Variants in RIMBP2 observed in about 807,000 individuals in gnomAD.
RIMBP2 encodes the protein RIMS binding protein 2.
A neutral mutation model predicts 118.6 loss-of-function variants in RIMBP2; 48 were observed. The ratio of observed to expected loss-of-function variants is 0.40; its 90% CI spans 0.32 to 0.51. The LOEUF (loss-of-function observed/expected upper bound fraction) is 0.51, where lower values mean the gene tolerates loss of function less well. Ranked by LOEUF, RIMBP2 falls within the 20% of genes least tolerant of loss-of-function variation. The pLI is 0.41. For missense variants in RIMBP2, 1,551 were observed against 1,768.3 expected, an observed-to-expected ratio of 0.88 and a Z score of 2.20; for synonymous variants, 762 against 742.9, an observed-to-expected ratio of 1.03 and a Z score of -0.42.
chr12:130,704,724 G>A (rs377171094), intron 1 of RIMBP2, among the ~76,000 whole-genome samples: 3 of 152,152 alleles, frequency 2.0e-5, no homozygotes, highest in Middle Eastern at 3.4e-3. Context: ...TGCCACCACC[G>A]CCTCCACAGG....
At chr12:130,466,578 A>T (rs2080497593) in intron 6 of RIMBP2, among the ~76,000 whole-genome samples, 1 of 152,214 alleles carries the variant, frequency 6.6e-6, no homozygotes, top group Non-Finnish European at 1.5e-5. Flanking sequence ...AAAGGGAAGC[A>T]TGAAGCTGGG....
intron 6 of RIMBP2, among the ~76,000 whole-genome samples, chr12:130,461,052 C>T (rs1376352883): frequency 1.3e-5 from 2 of 152,188 alleles, no homozygotes; most frequent in East Asian, 3.9e-4. Context: ...TCGCCATCCA[C>T]AAGGGACCCA....
chr12:130,569,346 A>G (rs563384194), intron 2 of RIMBP2, among the ~76,000 whole-genome samples: 2 of 152,340 alleles, frequency 1.3e-5, no homozygotes, highest in Admixed American at 6.5e-5. Context: ...CCCTCCAGCC[A>G]TCTCACTAAC....
intron 1 of RIMBP2, among the ~76,000 whole-genome samples, chr12:130,678,475 A>C (rs1258655239): frequency 1.3e-5 from 2 of 152,122 alleles, no homozygotes; most frequent in Non-Finnish European, 2.9e-5. Context: ...CACGACACCC[A>C]GTCAAAGGAG....
intron 1 of RIMBP2, among the ~76,000 whole-genome samples, chr12:130,632,626 G>A (rs2062071289): frequency 6.6e-6 from 1 of 152,128 alleles, no homozygotes; most frequent in Non-Finnish European, 1.5e-5. Context: ...AAGAGGCTAA[G>A]GGGCTTTAAT....
At position 130,620,788 on chromosome 12, in the gene RIMBP2, C is replaced by T. The variant is rs2061259717; in HGVS notation, c.-217+7534G>A. Among the ~76,000 whole-genome samples the T allele has an allele frequency of 6.6e-6, 1 of 152,180 alleles. No homozygotes were observed. Among genetic ancestry groups the T allele is most frequent in the Admixed American group, 6.5e-5 (1 of 15,286 alleles). On this transcript the variant is annotated intron_variant, in intron 2 of 22. Coordinates refer to ENST00000690449, the MANE Select transcript of RIMBP2 (RefSeq NM_001393629.1). This position sits in a 1 kb window ranked among gnomAD's most constrained non-coding sequence, Gnocchi z 5.3. Reference sequence around the variant, plus strand: ...TTAAGTTGGTCACCTCTATAAAGACCTCGTCTCCAAGTAAGATCACATTTT... The same window carrying T: ...TTAAGTTGGTCACCTCTATAAAGACTTCGTCTCCAAGTAAGATCACATTTT...
In RIMBP2 at chr12:130,478,992, G is replaced by T. The variant is rs770519788; in HGVS notation, c.22C>A (p.Arg8=). 6.2e-7 allele frequency: 1 copy of T among 1,613,716 alleles called. No homozygotes were observed. The highest frequency in any genetic ancestry group is 8.5e-7 in the Non-Finnish European group (1 of 1,179,850). The change falls in exon 5 of 23, where the codon CGG becomes AGG. Residue 8 remains arginine (R), a synonymous_variant. Coordinates refer to ENST00000690449, the MANE Select transcript of RIMBP2 (RefSeq NM_001393629.1). ...TCATGCTCCAACTGCAGCTGCTGCC[G>T]CCGTTCAGCCGCCTCTCGCATATGC... MREAAER[R]QQLQLEHDQA...
chr12:130,677,668 G>A (rs1362003141), intron 1 of RIMBP2, among the ~76,000 whole-genome samples: 1 of 152,126 alleles, frequency 6.6e-6, no homozygotes, highest in Non-Finnish European at 1.5e-5. Context: ...TAGCACAGGT[G>A]TTAACTACGT....
chr12:130,552,754 A>G (rs140755263), intron 2 of RIMBP2, among the ~76,000 whole-genome samples: 2,399 of 152,298 alleles, frequency 0.016, 27 homozygotes, highest in Non-Finnish European at 0.022. Context: ...TAGAAAAGTG[A>G]GATTGTGTAC....
intron 3 of RIMBP2, among the ~76,000 whole-genome samples, chr12:130,507,832 A>G (rs1255050839): frequency 6.6e-6 from 1 of 152,198 alleles, no homozygotes; most frequent in Admixed American, 6.5e-5. Flanking sequence ...GACTAACATA[A>G]TGTCACGCTT....
intron 20 of RIMBP2, among the ~76,000 whole-genome samples, chr12:130,406,951 T>C (rs2136369778): frequency 6.6e-6 from 1 of 152,334 alleles, no homozygotes; most frequent in South Asian, 2.1e-4. Context: ...TAAACATCTC[T>C]TTATTCAGTG....
At chr12:130,553,735 C>T (rs1237956775) in intron 2 of RIMBP2, among the ~76,000 whole-genome samples, 2 of 152,162 alleles carry the variant, frequency 1.3e-5, no homozygotes, top group Admixed American at 6.5e-5. Context: ...CTGAGGGAAA[C>T]CTTGTCTTGA....
At chr12:130,635,677 G>A (rs748650436) in intron 1 of RIMBP2, among the ~76,000 whole-genome samples, 4 of 152,268 alleles carry the variant, frequency 2.6e-5, no homozygotes, top group East Asian at 1.9e-4. Flanking sequence ...ACACCAATTC[G>A]TGACTCACAA....
intron 2 of RIMBP2, among the ~76,000 whole-genome samples, chr12:130,619,485 G>A (rs1000637039): frequency 3.3e-5 from 5 of 152,206 alleles, no homozygotes; most frequent in African/African-American, 1.2e-4. Context: ...CCAGTGTACA[G>A]AGTGGAGATG....
chr12:130,413,699 G>A (rs900977509), intron 18 of RIMBP2, among the ~76,000 whole-genome samples: 9 of 150,212 alleles, frequency 6.0e-5, no homozygotes, highest in African/African-American at 2.2e-4. Context: ...TCCATCAGGT[G>A]TATTAAAGAA....
chr12:130,437,524 A>C (rs2077623164), intron 12 of RIMBP2, among the ~76,000 whole-genome samples: 2 of 152,178 alleles, frequency 1.3e-5, no homozygotes, highest in Non-Finnish European at 1.5e-5. Context: ...GGGTTCCGTC[A>C]GGCCAGTGAC....
chr12:130,407,589 G>C (rs529416240), intron 20 of RIMBP2, 137 bp downstream of exon 20: 11 of 773,342 alleles, frequency 1.4e-5, no homozygotes, highest in Non-Finnish European at 2.3e-5. Flanking sequence ...GCCATCCCTC[G>C]GATCGGCAGC....
intron 21 of RIMBP2, among the ~76,000 whole-genome samples, chr12:130,402,377 A>G (rs1233182748): frequency 1.3e-5 from 2 of 152,060 alleles, no homozygotes; most frequent in Non-Finnish European, 2.9e-5. Context: ...TGTCCCTCTG[A>G]CTGGCAGTCA....
At chr12:130,605,071 G>A (rs932182716) in intron 2 of RIMBP2, among the ~76,000 whole-genome samples, 4 of 151,978 alleles carry the variant, frequency 2.6e-5, no homozygotes, top group South Asian at 2.1e-4. Flanking sequence ...TAGACTCCCC[G>A]GCTAGGTGTG....
Sources: gnomAD v4.1 joint callset for allele counts (sites outside exome capture counted in the v4.1 genomes callset) on GRCh38, gnomAD v4.1.1 for gene constraint, Gnocchi (gnomAD v3.1) non-coding constraint, MANE v1.5 for transcripts, NCBI Gene and HGNC (gene_info 2026-07-23, HGNC 2026-07-21) for gene names.